Variants in DKK4 observed in about 807,000 individuals in gnomAD.
DKK4 encodes the protein dickkopf Wnt signaling pathway inhibitor 4, also known as dickkopf-related protein 4.
In DKK4, 15 loss-of-function variants were observed where a neutral mutation model predicts 14.5. The observed-to-expected ratio is 1.03, with a 90% CI of 0.69 to 1.59. The LOEUF (loss-of-function observed/expected upper bound fraction) is 1.59. DKK4 is among the 40% of genes most tolerant of loss of function. The pLI is 0.00. For missense variants in DKK4, 272 were observed against 280.3 expected (o/e 0.97, Z 0.21); for synonymous variants, 89 against 105.2 (o/e 0.85, Z 0.94).
upstream of DKK4, among the ~76,000 whole-genome samples, chr8:42,378,078 A>C (rs1464381649): frequency 6.6e-6 from 1 of 152,216 alleles, no homozygotes; most frequent in Admixed American, 6.5e-5. Context: ...AATTTTTTAA[A>C]ACTTCTGCTT....
upstream of DKK4, among the ~76,000 whole-genome samples, chr8:42,381,438 CAG>C (rs1329257269): frequency 6.6e-6 from 1 of 152,158 alleles, no homozygotes; most frequent in Non-Finnish European, 1.5e-5. Flanking sequence ...CTCTGAGAGA[CAG>C]AGAGGAGTGG....
chr8:42,389,513 A>G, the DKK4 span, among the ~76,000 whole-genome samples: 1 of 152,184 alleles, frequency 6.6e-6, no homozygotes, highest in Non-Finnish European at 1.5e-5. Flanking sequence ...TCTCTTGGGG[A>G]CATGTATCTT....
upstream of DKK4, among the ~76,000 whole-genome samples, chr8:42,381,506 C>T (rs913949268): frequency 1.3e-5 from 2 of 152,088 alleles, no homozygotes; most frequent in Non-Finnish European, 2.9e-5. Context: ...CACTGAAGAG[C>T]GACCCTGTGC....
Position 42,375,850 on chromosome 8 carries a change from T to G in DKK4, c.112-20A>C, listed in dbSNP as rs776049231. ...TGAGCCCTGTGGAGGGAATCTGTTA[T>G]CACAAGGCTAGGAAACCCCCAACAC... is the stretch of plus-strand genomic sequence containing the variant. On this transcript the variant is annotated intron_variant, in intron 1 of 3. Transcript: ENST00000220812. The G allele has an allele frequency of 1.5e-5, 24 of 1,612,484 alleles. No individual in the cohort carries two copies. The East Asian group carries it at 4.9e-4, about 33-fold the overall frequency.
At position 42,376,939 on chromosome 8, in the gene DKK4, C is replaced by T. The variant is rs763509823; in HGVS notation, c.107G>A (p.Arg36Gln). The T allele has an allele frequency of 6.2e-6, 10 of 1,613,440 alleles. No homozygotes were observed. Among genetic ancestry groups the T allele is most frequent in the South Asian group, 2.2e-5 (2 of 91,076 alleles). The change falls in exon 1 of 4, where the codon CGG (arginine) becomes CAG (glutamine). Residue 36 changes from arginine (R) to glutamine (Q), a missense_variant. Coordinates refer to ENST00000220812, the MANE Select transcript of DKK4 (RefSeq NM_014420.3). ...CCCCCTCCCTAGCAGCCTTACCTTCCGGGCCCCATGCAGGTCAGCAGAGCT... is the reference window on the plus strand; with the variant it reads ...CCCCCTCCCTAGCAGCCTTACCTTCTGGGCCCCATGCAGGTCAGCAGAGCT... ...IRSSADLHGA[R>Q]KGSQCLSDTD...
At chr8:42,378,941 CACAAAAAAAA>C (rs1295195403), upstream of DKK4, among the ~76,000 whole-genome samples, 1 of 82,578 alleles carries the variant, frequency 1.2e-5, no homozygotes, top group African/African-American at 8.0e-5. Flanking sequence ...ATCCTGTCTC[CACAAAAAAAA>C]AAAAAAAAAA....
At chr8:42,378,184 A>C (rs894475856), upstream of DKK4, among the ~76,000 whole-genome samples, 1 of 152,232 alleles carries the variant, frequency 6.6e-6, no homozygotes, top group African/African-American at 2.4e-5. Context: ...AGGGTAGAAC[A>C]ATCTAGATCT....
chr8:42,389,625 C>T, the DKK4 span, among the ~76,000 whole-genome samples: 1 of 152,188 alleles, frequency 6.6e-6, no homozygotes, highest in African/African-American at 2.4e-5. Context: ...TGTGGAGTAT[C>T]ACAGACTTTG....
the DKK4 span, among the ~76,000 whole-genome samples, chr8:42,387,344 CTTTTTTTTTTTTTTTTTT>C: frequency 4.5e-5 from 2 of 44,884 alleles, no homozygotes; most frequent in African/African-American, 8.6e-5. Flanking sequence ...GAAGGCCAGT[CTTTTTTTTTTTTTTTTTT>C]TTTTTTTTTT....
At chr8:42,385,833 T>C in the DKK4 span, among the ~76,000 whole-genome samples, 2 of 152,194 alleles carry the variant, frequency 1.3e-5, no homozygotes, top group Non-Finnish European at 2.9e-5. Flanking sequence ...TTAGAAATGT[T>C]GGAAAATACA....
upstream of DKK4, among the ~76,000 whole-genome samples, chr8:42,380,377 G>GAGAA (rs200726057): frequency 1.4e-5 from 2 of 139,090 alleles, no homozygotes; most frequent in Non-Finnish European, 1.5e-5. Context: ...AAGAGAGACA[G>GAGAA]AGAAAGAAAG....
In DKK4 at chr8:42,375,828, G is replaced by A. The variant is rs1824550811; in HGVS notation, c.114C>T (p.Gly38=). Reference sequence around the variant, plus strand: ...AGTCCGTGTCAGACAGGCACTGTGAGCCCTGTGGAGGGAATCTGTTATCAC... The same window carrying A: ...AGTCCGTGTCAGACAGGCACTGTGAACCCTGTGGAGGGAATCTGTTATCAC... ...SSADLHGARK[G]SQCLSDTDCN... The change falls in exon 2 of 4, where the codon GGC becomes GGT. Residue 38 remains glycine, a splice_region_variant and synonymous_variant. Coordinates refer to ENST00000220812, the MANE Select transcript of DKK4 (RefSeq NM_014420.3). 1 of 1,613,758 alleles carries A rather than the reference G, an allele frequency of 6.2e-7. No individual in the cohort carries two copies. Among genetic ancestry groups the A allele is most frequent in the Non-Finnish European group, 8.5e-7 (1 of 1,179,894 alleles).
At position 42,375,759 on chromosome 8, in the gene DKK4, C is replaced by A; in HGVS notation, c.183G>T (p.Pro61=). The change falls in exon 2 of 4, where the codon CCG becomes CCT. Residue 61 remains proline (P), a synonymous_variant. Coordinates refer to ENST00000220812, the MANE Select transcript of DKK4 (RefSeq NM_014420.3). ...KFCLQPRDEK[P]FCATCRGLRR... ...GCAACCCACGACATGTAGCACAGAA[C>A]GGCTTCTCATCGCGGGGCTGGAGGC... 2 of 1,614,168 alleles carry A rather than the reference C, an allele frequency of 1.2e-6. No individual in the cohort carries two copies. The highest frequency in any genetic ancestry group is 1.7e-6 in the Non-Finnish European group (2 of 1,180,030).
the DKK4 span, among the ~76,000 whole-genome samples, chr8:42,389,321 T>C: frequency 6.6e-6 from 1 of 152,234 alleles, no homozygotes; most frequent in Admixed American, 6.5e-5. Flanking sequence ...ATGTGGAAAC[T>C]GAGGCAGAGA....
At chr8:42,390,246 T>C in the DKK4 span, among the ~76,000 whole-genome samples, 1 of 152,108 alleles carries the variant, frequency 6.6e-6, no homozygotes, top group East Asian at 1.9e-4. Flanking sequence ...TCCATTCAAA[T>C]TTCCCCGATT....
the DKK4 span, among the ~76,000 whole-genome samples, chr8:42,382,814 C>CA: frequency 1.3e-5 from 2 of 151,612 alleles, no homozygotes; most frequent in African/African-American, 2.4e-5. Context: ...TGAAATTTCT[C>CA]AAAAAAAAAT....
chr8:42,375,825 T>C lies in DKK4; in HGVS notation c.117A>G (p.Ser39=). 3 of 1,613,908 alleles carry C rather than the reference T, an allele frequency of 1.9e-6. No individual in the cohort carries two copies. Among genetic ancestry groups the C allele is most frequent in the Non-Finnish European group, 2.5e-6 (3 of 1,179,912 alleles). ...SADLHGARKG[S]QCLSDTDCNT... is the part of the protein sequence containing the mutation. ...TGCAGTCCGTGTCAGACAGGCACTGTGAGCCCTGTGGAGGGAATCTGTTAT... is the reference window on the plus strand; with the variant it reads ...TGCAGTCCGTGTCAGACAGGCACTGCGAGCCCTGTGGAGGGAATCTGTTAT... Residue 39 remains serine, a synonymous_variant, in exon 2 of 4, where the codon TCA becomes TCG. Transcript: ENST00000220812.
the DKK4 span, among the ~76,000 whole-genome samples, chr8:42,384,596 G>A: frequency 6.6e-6 from 1 of 151,976 alleles, no homozygotes; most frequent in Non-Finnish European, 1.5e-5. Flanking sequence ...GCCTTCCCAG[G>A]ACTTTGGCCA....
intron 1 of DKK4, 105 bp downstream of exon 1, chr8:42,376,830 A>T: frequency 1.1e-6 from 1 of 919,648 alleles, no homozygotes; most frequent in Non-Finnish European, 1.7e-6. Flanking sequence ...TTTACCTGCT[A>T]GGTAAGACAT....
Sources: allele counts gnomAD v4.1 joint callset (sites outside exome capture counted in the v4.1 genomes callset), GRCh38; gene constraint gnomAD v4.1.1; transcripts MANE v1.5; gene names NCBI Gene and HGNC (gene_info 2026-07-23, HGNC 2026-07-21).